TBC1D23: variants seen among roughly 807,000 people sequenced by gnomAD.
TBC1D23 encodes the protein TBC1 domain family member 23.
TBC1D23 carries 55 observed loss-of-function variants against 91.4 expected under a neutral mutation model. That is an observed-to-expected ratio of 0.60 (90% CI 0.48 to 0.75). TBC1D23 has a LOEUF of 0.75. Among genes scored for constraint, TBC1D23 ranks in the 30% least tolerant of loss-of-function variants. The pLI is 0.00. For missense variants in TBC1D23, 725 were observed against 836.1 expected, an observed-to-expected ratio of 0.87 and a Z score of 1.64; for synonymous variants, 289 against 281.0, an observed-to-expected ratio of 1.03 and a Z score of -0.28.
chr3:100,280,349 AAAGG>A (rs1464181175), intron 2 of TBC1D23, among the ~76,000 whole-genome samples: 10 of 152,178 alleles, frequency 6.6e-5, no homozygotes, highest in African/African-American at 2.4e-4. Context: ...TAAAAATAAA[AAAGG>A]AAGTATGCCT....
chr3:100,317,977 T>C (rs1576188211), intron 16 of TBC1D23, among the ~76,000 whole-genome samples: 1 of 151,994 alleles, frequency 6.6e-6, no homozygotes, highest in Non-Finnish European at 1.5e-5. Context: ...TTTATATACA[T>C]TTAAGTATAG....
In TBC1D23 at chr3:100,283,795, A is replaced by G. The variant is rs141943350; in HGVS notation, c.460A>G (p.Asn154Asp). 7 of 1,606,254 alleles carry G rather than the reference A, an allele frequency of 4.4e-6. No individual in the cohort carries two copies. The Admixed American group carries it at 1.0e-4, about 23-fold the overall frequency. Residue 154 changes from asparagine to aspartate, a missense_variant, in exon 4 of 19, where the codon AAT (asparagine) becomes GAT (aspartate). Physicochemically the swap from Asn to Asp is conservative, Grantham distance 23. Coordinates refer to ENST00000394144, the MANE Select transcript of TBC1D23 (RefSeq NM_001199198.3). The part of the protein sequence containing the change: ...DLYNCFYAIM[N>D]KYIPRDCSQK... ...ATACAACTGCTTTTATGCCATAATG[A>G]ATAAGTACATTCCCAGGTAAAATAT...
At chr3:100,277,289 T>C (rs146082707) in intron 1 of TBC1D23, among the ~76,000 whole-genome samples, 21 of 152,354 alleles carry the variant, frequency 1.4e-4, no homozygotes, top group African/African-American at 5.1e-4. Context: ...CGAAGGTCTA[T>C]TAACTGTACC....
intron 15 of TBC1D23, among the ~76,000 whole-genome samples, chr3:100,315,665 C>G (rs922442962): frequency 1.3e-5 from 2 of 152,108 alleles, no homozygotes; most frequent in Non-Finnish European, 2.9e-5. Context: ...GAAGGTAGCA[C>G]CAGGCATTGT....
At chr3:100,268,690 A>G (rs774225697) in intron 1 of TBC1D23, among the ~76,000 whole-genome samples, 60 of 152,328 alleles carry the variant, frequency 3.9e-4, no homozygotes, top group Admixed American at 1.1e-3. Context: ...CTCTGTTTTT[A>G]GTTTCCAAAT....
intron 4 of TBC1D23, among the ~76,000 whole-genome samples, chr3:100,287,671 C>T (rs1050124120): frequency 2.6e-5 from 4 of 152,204 alleles, no homozygotes; most frequent in Admixed American, 6.5e-5. Flanking sequence ...AACTTCCTTC[C>T]ACCTGCAGTA....
chr3:100,287,962 C>T (rs1322737397), intron 4 of TBC1D23, among the ~76,000 whole-genome samples: 1 of 151,930 alleles, frequency 6.6e-6, no homozygotes, highest in Non-Finnish European at 1.5e-5. Flanking sequence ...ACTGTGAGGC[C>T]AGGTGCAGTG....
rs1385081330 is a variant in TBC1D23, at chr3:100,316,181, G to A, written c.1681G>A (p.Asp561Asn). 1.4e-5 allele frequency: 23 copies of A among 1,611,358 alleles called. No individual in the cohort carries two copies. Among genetic ancestry groups the A allele is most frequent in the Non-Finnish European group, 1.9e-5 (22 of 1,177,582 alleles). The change falls in exon 16 of 19, where the codon GAC (aspartate) becomes AAC (asparagine). Residue 561 changes from aspartate (D) to asparagine (N), a missense_variant. By Grantham distance (23) the Asp-to-Asn change is conservative (BLOSUM62 1). Transcript: ENST00000394144. Reference sequence around the variant, plus strand: ...CAGCATTGGGGATGAAGAAGAATACGACACAGGTGTAGTAATACACTTAGC... The same window carrying A: ...CAGCATTGGGGATGAAGAAGAATACAACACAGGTGTAGTAATACACTTAGC... ...VFSIGDEEEY[D>N]TDEIDSSSMS...
chr3:100,283,139 G>C (rs935476144), intron 3 of TBC1D23, among the ~76,000 whole-genome samples: 1 of 152,280 alleles, frequency 6.6e-6, no homozygotes, highest in Non-Finnish European at 1.5e-5. Flanking sequence ...TTGGGAGGCC[G>C]AGGCAGGCAG....
At chr3:100,296,339 A>G (rs2148862075) in intron 8 of TBC1D23, 64 bp downstream of exon 8, 1 of 940,332 alleles carries the variant, frequency 1.1e-6, no homozygotes, top group Non-Finnish European at 1.6e-6. Context: ...TTATTACTTT[A>G]TATTCACTTT....
intron 12 of TBC1D23, 74 bp from the exon 13 acceptor site, chr3:100,306,363 A>T: frequency 1.2e-6 from 1 of 800,284 alleles, no homozygotes; most frequent in Non-Finnish European, 2.1e-6. Flanking sequence ...TGTTTATTGT[A>T]TTTCGTTGGT....
chr3:100,288,548 G>A (rs1355330931), intron 4 of TBC1D23, among the ~76,000 whole-genome samples: 7 of 152,118 alleles, frequency 4.6e-5, no homozygotes, highest in Non-Finnish European at 8.8e-5. Flanking sequence ...TATTTCATAG[G>A]ATTGTTTGAT....
At chr3:100,296,936 G>A (rs1559808629) in intron 8 of TBC1D23, among the ~76,000 whole-genome samples, 1 of 151,786 alleles carries the variant, frequency 6.6e-6, no homozygotes, top group Non-Finnish European at 1.5e-5. Flanking sequence ...TTTCTCTGGA[G>A]TTCAGGCTTG....
At chr3:100,284,432 G>C (rs1173056543) in intron 4 of TBC1D23, among the ~76,000 whole-genome samples, 2 of 152,194 alleles carry the variant, frequency 1.3e-5, no homozygotes, top group African/African-American at 2.4e-5. Flanking sequence ...ACAGTGTTCA[G>C]GTGAAAAGTA....
At chr3:100,322,039 T>G (rs976440605) in intron 18 of TBC1D23, among the ~76,000 whole-genome samples, 3 of 152,058 alleles carry the variant, frequency 2.0e-5, no homozygotes, top group African/African-American at 4.8e-5. Flanking sequence ...TCTGATTTTT[T>G]AAGAAAATAG....
intron 9 of TBC1D23, among the ~76,000 whole-genome samples, chr3:100,298,485 A>T (rs181150973): frequency 6.6e-6 from 1 of 152,322 alleles, no homozygotes; most frequent in East Asian, 1.9e-4. Context: ...TAATAAGTCA[A>T]TTTGACCAAT....
chr3:100,314,091 ATTTTT>A (rs71299383), intron 15 of TBC1D23, among the ~76,000 whole-genome samples: 4 of 94,576 alleles, frequency 4.2e-5, no homozygotes, highest in Admixed American at 1.6e-4. Context: ...AGGCTACAAA[ATTTTT>A]TTTTTTTTTT....
At position 100,321,345 on chromosome 3, in the gene TBC1D23, G is replaced by A. The variant is rs541266325; in HGVS notation, c.2018+374G>A. On this transcript the variant is annotated intron_variant, in intron 18 of 18. Coordinates refer to ENST00000394144, the MANE Select transcript of TBC1D23 (RefSeq NM_001199198.3). Reference sequence around the variant, plus strand: ...TTTTGACAAACTGTCAGTGAACTAAGCAGTGTGCTGGGTGATATAGGTAAT... The same window carrying A: ...TTTTGACAAACTGTCAGTGAACTAAACAGTGTGCTGGGTGATATAGGTAAT... Among the ~76,000 whole-genome samples, 7 of 152,300 alleles carry A rather than the reference G, an allele frequency of 4.6e-5. No individual in the cohort carries two copies. In the South Asian group the frequency reaches 1.2e-3, roughly 27 times the overall value.
At chr3:100,312,700 A>G (rs534204426) in intron 15 of TBC1D23, among the ~76,000 whole-genome samples, 1 of 152,260 alleles carries the variant, frequency 6.6e-6, no homozygotes, top group East Asian at 1.9e-4. Context: ...TTAAAAAGAA[A>G]TTCTATAAAT....
Sources: gnomAD v4.1 joint callset for allele counts (sites outside exome capture counted in the v4.1 genomes callset) on GRCh38, gnomAD v4.1.1 for gene constraint, MANE v1.5 for transcripts, NCBI Gene and HGNC (gene_info 2026-07-23, HGNC 2026-07-21) for gene names.